NRG1: variants seen among roughly 807,000 people sequenced by gnomAD.
The protein encoded by NRG1 is pro-neuregulin-1, membrane-bound isoform.
NRG1 carries 18 observed loss-of-function variants against 63.8 expected under a neutral mutation model. That is an observed-to-expected ratio of 0.28 (90% confidence interval 0.19 to 0.42). The LOEUF is 0.42. Ranked by LOEUF, NRG1 falls within the 10% of genes least tolerant of loss-of-function variation. The pLI is 1.00. For missense variants in NRG1, 762 were observed against 814.7 expected, an observed-to-expected ratio of 0.94 and a Z score of 0.79; for synonymous variants, 302 against 301.3, an observed-to-expected ratio of 1.00 and a Z score of -0.02.
intron 1 of NRG1, among the ~76,000 whole-genome samples, chr8:31,842,826 T>C (rs1200912863): frequency 6.6e-6 from 1 of 152,210 alleles, no homozygotes; most frequent in East Asian, 1.9e-4. Context: ...CATTTCCTTC[T>C]TGTGTCTGGT....
chr8:32,123,966 A>G (rs1490288355), intron 1 of NRG1, among the ~76,000 whole-genome samples: 5 of 151,982 alleles, frequency 3.3e-5, no homozygotes, highest in Non-Finnish European at 7.4e-5. Context: ...TGTTCTCAAT[A>G]AAATAACCTG....
chr8:32,245,986 G>A (rs10954833), intron 1 of NRG1, among the ~76,000 whole-genome samples: 97,672 of 151,946 alleles, frequency 0.64, 31,682 homozygotes, highest in Admixed American at 0.75. Context: ...CATTAGCCAG[G>A]AATCAGGCTG....
chr8:32,617,011 G>C, intron 5 of NRG1, 126 bp downstream of exon 5: 1 of 704,576 alleles, frequency 1.4e-6, no homozygotes. Flanking sequence ...GCAATAGGTG[G>C]TATTTGCTGT....
chr8:32,636,344 A>G (rs940057868), intron 5 of NRG1, among the ~76,000 whole-genome samples: 6 of 152,196 alleles, frequency 3.9e-5, no homozygotes, highest in Non-Finnish European at 1.5e-5. Flanking sequence ...TTAGTTAAAT[A>G]CGGATGCTTT....
chr8:31,763,764 C>A (rs972125499), intron 1 of NRG1, among the ~76,000 whole-genome samples: 2 of 152,288 alleles, frequency 1.3e-5, no homozygotes, highest in African/African-American at 4.8e-5. Context: ...TCCTGGCTAA[C>A]ACGGTGAAAC....
intron 1 of NRG1, among the ~76,000 whole-genome samples, chr8:32,146,727 CT>C (rs201580664): frequency 6.6e-6 from 1 of 151,190 alleles, no homozygotes; most frequent in African/African-American, 2.4e-5. Flanking sequence ...ATAATATTTT[CT>C]TTTTTTTTAA....
intron 1 of NRG1, among the ~76,000 whole-genome samples, chr8:32,256,092 C>A (rs889486649): frequency 1.3e-5 from 2 of 152,152 alleles, no homozygotes; most frequent in Non-Finnish European, 2.9e-5. Context: ...AGTGGTTATT[C>A]TAGTAAGCAA....
intron 1 of NRG1, among the ~76,000 whole-genome samples, chr8:31,938,571 C>T (rs1027092252): frequency 1.3e-5 from 2 of 151,790 alleles, no homozygotes; most frequent in Non-Finnish European, 2.9e-5. Flanking sequence ...TCTGAATTGC[C>T]AGAAAAAAGA....
At position 32,044,913 on chromosome 8, in the gene NRG1, C is replaced by CAA; in HGVS notation, c.37+405499_37+405500dup. Among the ~76,000 whole-genome samples the CAA allele has an allele frequency of 4.1e-3, 235 of 57,110 alleles. 3 individuals carry two copies. Among genetic ancestry groups the CAA allele is most frequent in the East Asian group, 0.015 (42 of 2,800 alleles). The allele number at this position is 57,110 out of a possible 152,430, so 37.5% of individuals were successfully genotyped here. On this transcript the variant is annotated intron_variant, in intron 1 of 10. Coordinates refer to the NRG1 transcript ENST00000519301. ...CCTTAAGAACTTACATAAAGAAAAG[C>CAA]AAAAAAAAAAAAAAAAAACACACAC...
chr8:31,671,464 A>G (rs974053104), intron 1 of NRG1, among the ~76,000 whole-genome samples: 2 of 152,208 alleles, frequency 1.3e-5, no homozygotes, highest in Non-Finnish European at 2.9e-5. Flanking sequence ...GAAGAGAATT[A>G]TCATGTATAT....
chr8:32,306,235 A>G (rs1856170787), intron 1 of NRG1, among the ~76,000 whole-genome samples: 1 of 152,236 alleles, frequency 6.6e-6, no homozygotes, highest in South Asian at 2.1e-4. Context: ...GATGACTCAA[A>G]CCACATTCTA....
At chr8:32,693,320 G>A (rs570277317) in intron 5 of NRG1, among the ~76,000 whole-genome samples, 4 of 151,092 alleles carry the variant, frequency 2.6e-5, no homozygotes, top group East Asian at 2.0e-4. Flanking sequence ...CTGGGTTCAC[G>A]CCATTCTCCT....
At chr8:32,233,472 C>A (rs1036292612) in intron 1 of NRG1, among the ~76,000 whole-genome samples, 1 of 145,944 alleles carries the variant, frequency 6.9e-6, no homozygotes, top group African/African-American at 2.5e-5. Context: ...TAAAAGTATG[C>A]AAATATATTA....
intron 1 of NRG1, among the ~76,000 whole-genome samples, chr8:32,317,487 T>C (rs1210576199): frequency 2.0e-5 from 3 of 152,232 alleles, no homozygotes; most frequent in Non-Finnish European, 4.4e-5. Flanking sequence ...CTGTTAAAGA[T>C]ATCAGAGGCT....
intron 1 of NRG1, among the ~76,000 whole-genome samples, chr8:31,940,274 A>C (rs114176761): frequency 1.5e-3 from 228 of 152,320 alleles, no homozygotes; most frequent in African/African-American, 5.3e-3. Context: ...AATACATGCA[A>C]ATTAAATAAC....
intron 1 of NRG1, among the ~76,000 whole-genome samples, chr8:32,198,236 G>A (rs1843153523): frequency 1.3e-5 from 2 of 152,132 alleles, no homozygotes; most frequent in African/African-American, 2.4e-5. Flanking sequence ...GGAGTACAAT[G>A]GCATGATCTT....
exon 12 of NRG1, chr8:32,764,867 TTTG>T (rs1831301226): frequency 6.5e-6 from 1 of 153,270 alleles, no homozygotes; most frequent in Non-Finnish European, 1.5e-5. Context: ...TGAAGTTTTC[TTTG>T]CTTTCAGAAT....
chr8:32,358,512 T>C (rs182531746), intron 1 of NRG1, among the ~76,000 whole-genome samples: 2 of 152,106 alleles, frequency 1.3e-5, no homozygotes, highest in Non-Finnish European at 2.9e-5. Flanking sequence ...AGGAAAGTAT[T>C]TAAGGAATAT....
chr8:32,267,074 AAG>A (rs978520848), intron 1 of NRG1, among the ~76,000 whole-genome samples: 4 of 148,058 alleles, frequency 2.7e-5, no homozygotes, highest in African/African-American at 5.0e-5. Context: ...GAAAAAAAGA[AAG>A]AGAGAGAGAA....
Sources: gnomAD v4.1 joint callset for allele counts (sites outside exome capture counted in the v4.1 genomes callset) on GRCh38, gnomAD v4.1.1 for gene constraint, MANE v1.5 for transcripts, NCBI Gene and HGNC (gene_info 2026-07-23, HGNC 2026-07-21) for gene names.